KCNIP4: variants seen among roughly 807,000 people sequenced by gnomAD.
KCNIP4 encodes the protein potassium voltage-gated channel interacting protein 4.
Under a neutral mutation model 34.0 loss-of-function variants are expected in KCNIP4, and 12 were observed. The ratio of observed to expected loss-of-function variants is 0.35; its 90% CI spans 0.23 to 0.57. The LOEUF is 0.57. KCNIP4 is among the 20% of genes least tolerant of loss of function. KCNIP4 has a pLI of 0.83. For missense variants in KCNIP4, 238 were observed against 311.7 expected, an observed-to-expected ratio of 0.76 and a Z score of 1.78; for synonymous variants, 124 against 102.2, an observed-to-expected ratio of 1.21 and a Z score of -1.29.
chr4:20,756,172 TA>T lies in KCNIP4; in HGVS notation c.358+2648del, dbSNP rs61417409. Reference sequence around the variant, plus strand: ...GGTGGCTCCTTTAAGTGGAAAGTAGTAAAAAAAAAAAAAGTGTTGGCAAGGT... The same window carrying T: ...GGTGGCTCCTTTAAGTGGAAAGTAGTAAAAAAAAAAAAGTGTTGGCAAGGT... On this transcript the variant is annotated intron_variant, in intron 4 of 8. Coordinates refer to ENST00000382152, the MANE Select transcript of KCNIP4 (RefSeq NM_025221.6). 3.6e-3 allele frequency among the ~76,000 whole-genome samples: 504 copies of T among 139,014 alleles called. 2 individuals carry two copies. The highest frequency in any genetic ancestry group is 4.9e-3 in the Non-Finnish European group (312 of 63,242). The allele number at this position is 139,014 out of a possible 152,430, so 91.2% of individuals were successfully genotyped here. A position where few individuals can be genotyped will look rare whatever the true frequency, so the allele number is the denominator to read the frequency against.
chr4:20,863,585 T>C (rs938801973), intron 2 of KCNIP4, among the ~76,000 whole-genome samples: 1 of 152,154 alleles, frequency 6.6e-6, no homozygotes, highest in African/African-American at 2.4e-5. Context: ...AAAGGGCTAT[T>C]ATCAATTTGT....
intron 1 of KCNIP4, among the ~76,000 whole-genome samples, chr4:21,341,368 A>G (rs947847640): frequency 1.3e-5 from 2 of 152,168 alleles, no homozygotes; most frequent in African/African-American, 4.8e-5. Flanking sequence ...CTTCCCTTAC[A>G]TAAGCAGAGA....
rs1333284280 is a variant in KCNIP4, at chr4:21,175,762, G to A, written c.62-293053C>T. 4.6e-5 allele frequency among the ~76,000 whole-genome samples: 7 copies of A among 152,232 alleles called. No homozygotes were observed. In the East Asian group the frequency reaches 9.7e-4, roughly 21 times the overall value. On this transcript the variant is annotated intron_variant, in intron 1 of 8. Coordinates refer to ENST00000382152, the MANE Select transcript of KCNIP4 (RefSeq NM_025221.6). ...CCAGGGTAAGATTTTGACATGCTACGCAGAATGCCATGCAGTTTATGACTT... is the reference window on the plus strand; with the variant it reads ...CCAGGGTAAGATTTTGACATGCTACACAGAATGCCATGCAGTTTATGACTT...
intron 1 of KCNIP4, among the ~76,000 whole-genome samples, chr4:21,267,202 T>G (rs1761866016): frequency 6.6e-6 from 1 of 152,234 alleles, no homozygotes; most frequent in Admixed American, 6.5e-5. Context: ...TAGAAGAATA[T>G]TCATAGTGAC....
At chr4:21,863,268 T>TA (rs2109354222) in intron 1 of KCNIP4, among the ~76,000 whole-genome samples, 1 of 151,892 alleles carries the variant, frequency 6.6e-6, no homozygotes, top group Non-Finnish European at 1.5e-5. Flanking sequence ...GAATTTTTTT[T>TA]TTTTTTTTGG....
chr4:21,516,036 C>T (rs959809618), intron 1 of KCNIP4, among the ~76,000 whole-genome samples: 2 of 152,056 alleles, frequency 1.3e-5, no homozygotes, highest in Non-Finnish European at 2.9e-5. Context: ...AGAGTAGTAG[C>T]TCAATTGATT....
At position 21,278,550 on chromosome 4, in the gene KCNIP4, T is replaced by G. The variant is rs184162981; in HGVS notation, c.62-395841A>C. Among the ~76,000 whole-genome samples, 696 of 152,286 alleles carry G rather than the reference T, an allele frequency of 4.6e-3. 3 individuals are homozygous for G. Among genetic ancestry groups the G allele is most frequent in the African/African-American group, 0.016 (658 of 41,558 alleles). ...CCTTCTTTTTTATGGCTGCATAGTATTCCATGATGTATATGTAAAATAGCA... is the reference window on the plus strand; with the variant it reads ...CCTTCTTTTTTATGGCTGCATAGTAGTCCATGATGTATATGTAAAATAGCA... On this transcript the variant is annotated intron_variant, in intron 1 of 8. Transcript: ENST00000382152.
intron 1 of KCNIP4, among the ~76,000 whole-genome samples, chr4:21,583,966 A>T (rs777119476): frequency 2.0e-5 from 3 of 152,020 alleles, no homozygotes; most frequent in Non-Finnish European, 2.9e-5. Context: ...TGCCTCACTC[A>T]TCCTCATGAG....
chr4:21,168,382 G>C (rs1753787456), intron 1 of KCNIP4, among the ~76,000 whole-genome samples: 1 of 152,124 alleles, frequency 6.6e-6, no homozygotes, highest in African/African-American at 2.4e-5. Flanking sequence ...TCTGCAACTT[G>C]ATGGCCATAG....
intron 5 of KCNIP4, among the ~76,000 whole-genome samples, chr4:20,738,282 G>A (rs61428210): frequency 0.52 from 78,844 of 152,020 alleles, 21,161 homozygotes; most frequent in African/African-American, 0.63. Context: ...AAAATTCACA[G>A]CGTAGTAATA....
intron 1 of KCNIP4, among the ~76,000 whole-genome samples, chr4:21,725,312 T>C (rs1243328493): frequency 6.6e-6 from 1 of 152,154 alleles, no homozygotes; most frequent in African/African-American, 2.4e-5. Context: ...TGAATAACAG[T>C]CTGGAGCTGG....
intron 2 of KCNIP4, among the ~76,000 whole-genome samples, chr4:20,864,158 A>G (rs546658891): frequency 6.6e-5 from 8 of 121,484 alleles, no homozygotes; most frequent in East Asian, 2.0e-4. Flanking sequence ...ATGTATGCAT[A>G]CACATGTATG....
intron 1 of KCNIP4, among the ~76,000 whole-genome samples, chr4:21,525,034 C>T (rs1435945295): frequency 6.6e-6 from 1 of 152,084 alleles, no homozygotes; most frequent in African/African-American, 2.4e-5. Flanking sequence ...GTCATCTTCT[C>T]CTTCTCCTAA....
intron 1 of KCNIP4, among the ~76,000 whole-genome samples, chr4:21,669,178 T>C (rs1749269559): frequency 6.9e-6 from 1 of 145,034 alleles, no homozygotes; most frequent in Admixed American, 7.0e-5. Flanking sequence ...TAGGCTGGAG[T>C]GCATTGTTGC....
intron 1 of KCNIP4, among the ~76,000 whole-genome samples, chr4:20,968,589 A>G (rs563327013): frequency 2.6e-5 from 4 of 152,242 alleles, no homozygotes; most frequent in African/African-American, 9.6e-5. Flanking sequence ...ATGGAATACT[A>G]TGCAGCCATA....
chr4:21,410,889 G>A (rs567775705), intron 1 of KCNIP4, among the ~76,000 whole-genome samples: 35 of 152,216 alleles, frequency 2.3e-4, no homozygotes, highest in South Asian at 6.2e-4. Flanking sequence ...GTACTATCTT[G>A]GCAATAATGG....
intron 1 of KCNIP4, among the ~76,000 whole-genome samples, chr4:21,654,365 A>G (rs549343505): frequency 6.6e-6 from 1 of 152,350 alleles, no homozygotes; most frequent in East Asian, 1.9e-4. Context: ...GATGCAATCT[A>G]AAGTGTATTC....
At chr4:21,556,923 A>T in intron 1 of KCNIP4, among the ~76,000 whole-genome samples, 1 of 85,826 alleles carries the variant, frequency 1.2e-5, no homozygotes, top group South Asian at 3.6e-4. Context: ...TCCATCTCAG[A>T]AAAAAAAAAA....
intron 5 of KCNIP4, among the ~76,000 whole-genome samples, chr4:20,745,349 G>A (rs1338389598): frequency 2.0e-5 from 3 of 152,072 alleles, no homozygotes. Context: ...GATAGCTATG[G>A]TCTTAGAGCA....
Sources: gnomAD v4.1 joint callset for allele counts (sites outside exome capture counted in the v4.1 genomes callset) on GRCh38, gnomAD v4.1.1 for gene constraint, MANE v1.5 for transcripts, NCBI Gene and HGNC (gene_info 2026-07-23, HGNC 2026-07-21) for gene names.